GGT1: variants seen among roughly 807,000 people sequenced by gnomAD.
GGT1 encodes glutathione hydrolase 1 proenzyme.
A neutral mutation model predicts 56.0 loss-of-function variants in GGT1; 21 were observed. The ratio of observed to expected loss-of-function variants is 0.38; its 90% confidence interval spans 0.27 to 0.54. The LOEUF (loss-of-function observed/expected upper bound fraction) is 0.54, where lower values mean the gene tolerates loss of function less well. Ranked by LOEUF, GGT1 falls within the 20% of genes least tolerant of loss-of-function variation. GGT1 has a pLI of 0.82. For synonymous variants in GGT1, 238 were observed against 342.6 expected, an observed-to-expected ratio of 0.69 and a Z score of 3.37; for missense variants, 466 against 787.0, an observed-to-expected ratio of 0.59 and a Z score of 4.88.
chr22:24,604,667 C>T, intron 1 of GGT1, among the ~76,000 whole-genome samples: 1 of 152,048 alleles, frequency 6.6e-6, no homozygotes, highest in Non-Finnish European at 1.5e-5. Flanking sequence ...AGTCCTTCCT[C>T]AGGTGACATG....
upstream of GGT1, chr22:24,592,163 G>C: frequency 2.5e-6 from 1 of 396,816 alleles, no homozygotes; most frequent in Non-Finnish European, 5.1e-6. Context: ...CCAGGTGATT[G>C]GGGGGACCAG....
upstream of GGT1, among the ~76,000 whole-genome samples, chr22:24,599,616 C>T (rs1278712857): frequency 2.6e-5 from 4 of 152,008 alleles, no homozygotes; most frequent in African/African-American, 9.7e-5. Context: ...GCTGGACAGG[C>T]CCAGTGAGGA....
At chr22:24,606,590 C>G (rs1353914954) in intron 1 of GGT1, among the ~76,000 whole-genome samples, 1 of 152,166 alleles carries the variant, frequency 6.6e-6, no homozygotes, top group Non-Finnish European at 1.5e-5. Context: ...TGTCATCTTC[C>G]CAGTCACCCT....
chr22:24,586,366 C>T, the GGT1 span: 1 of 1,613,806 alleles, frequency 6.2e-7, no homozygotes, highest in South Asian at 1.1e-5. Context: ...CTGAGAGGTC[C>T]ACAGTCTCCC....
At chr22:24,614,208 G>A (rs1292720917) in intron 5 of GGT1, among the ~76,000 whole-genome samples, 1 of 151,714 alleles carries the variant, frequency 6.6e-6, no homozygotes, top group Non-Finnish European at 1.5e-5. Context: ...AATTGGCTGG[G>A]CATGGTGGCA....
rs1200069560 is a variant in GGT1, at chr22:24,610,188, G to C, written c.-289-62G>C. The C allele has an allele frequency of 6.0e-5, 19 of 318,294 alleles. 2 individuals carry two copies. Among genetic ancestry groups the C allele is most frequent in the African/African-American group, 2.6e-4 (11 of 41,754 alleles). The allele number at this position is 318,294 out of a possible 1,614,324, so 19.7% of individuals were successfully genotyped here. A position where few individuals can be genotyped will look rare whatever the true frequency, so the allele number is the denominator to read the frequency against. Reference sequence around the variant, plus strand: ...GCAAAACCCTCTTTGAGCTGTGCCTGGGAGACATGCTGAGAGAATTCATGG... The same window carrying C: ...GCAAAACCCTCTTTGAGCTGTGCCTCGGAGACATGCTGAGAGAATTCATGG... On this transcript the variant is annotated intron_variant, in intron 3 of 15. Coordinates refer to ENST00000400382, the MANE Select transcript of GGT1 (RefSeq NM_001288833.2).
At chr22:24,607,825 AG>A in intron 1 of GGT1, 128 bp from the exon 2 acceptor site, 1 of 325,558 alleles carries the variant, frequency 3.1e-6, no homozygotes, top group Non-Finnish European at 6.4e-6. Context: ...CCCAATTCGG[AG>A]GCCCCCTGAG....
At chr22:24,591,350 A>G (rs1261462400), upstream of GGT1, among the ~76,000 whole-genome samples, 1 of 152,188 alleles carries the variant, frequency 6.6e-6, no homozygotes, top group East Asian at 1.9e-4. Flanking sequence ...AAGTGCTGGG[A>G]TTATAGGCGT....
chr22:24,589,655 C>A, the GGT1 span: 1 of 805,656 alleles, frequency 1.2e-6, no homozygotes, highest in South Asian at 1.9e-5. Context: ...GGTGGCCAGC[C>A]TAATATACTG....
chr22:24,624,377 G>A, intron 11 of GGT1: 1 of 985,404 alleles, frequency 1.0e-6, no homozygotes, highest in East Asian at 1.1e-4. Context: ...CTCCACACTG[G>A]GTCCCTATAA....
chr22:24,601,777 C>T (rs916823734), upstream of GGT1, among the ~76,000 whole-genome samples: 11 of 152,232 alleles, frequency 7.2e-5, no homozygotes, highest in South Asian at 6.2e-4. Context: ...GGGCGGCACC[C>T]GCCCCGGGCT....
upstream of GGT1, chr22:24,592,955 C>T (rs1383616636): frequency 5.0e-6 from 6 of 1,206,740 alleles, no homozygotes; most frequent in African/African-American, 3.2e-5. Flanking sequence ...ACCCGGCGCT[C>T]GTAGGGCGCG....
At position 24,615,066 on chromosome 22, in the gene GGT1, C is replaced by T. The variant is rs191569900; in HGVS notation, c.321C>T (p.Arg107=). 41 of 1,612,116 alleles carry T rather than the reference C, an allele frequency of 2.5e-5. 1 individual carries two copies. In the Admixed American group the frequency reaches 3.5e-4, roughly 14 times the overall value. Reference sequence around the variant, plus strand: ...GAAAAGCTGAGGTCATCAACGCCCGCGAGGTGGCCCCCAGGCTGGCCTTTG... The same window carrying T: ...GAAAAGCTGAGGTCATCAACGCCCGTGAGGTGGCCCCCAGGCTGGCCTTTG... ...TTRKAEVINA[R]EVAPRLAFAT... Residue 107 remains arginine (R), a synonymous_variant, in exon 7 of 16, where the codon CGC becomes CGT. Coordinates refer to ENST00000400382, the MANE Select transcript of GGT1 (RefSeq NM_001288833.2).
intron 1 of GGT1, among the ~76,000 whole-genome samples, chr22:24,604,266 C>G (rs530879553): frequency 6.6e-6 from 1 of 152,138 alleles, no homozygotes; most frequent in Non-Finnish European, 1.5e-5. Context: ...TCGTAAAATC[C>G]CTTTTGTCTA....
At chr22:24,605,991 T>A (rs1341721721) in intron 1 of GGT1, among the ~76,000 whole-genome samples, 2 of 57,498 alleles carry the variant, frequency 3.5e-5, no homozygotes, top group Non-Finnish European at 6.0e-5. Context: ...ATATTATATT[T>A]ATATAATTTA....
At chr22:24,614,752 A>C in intron 5 of GGT1, 24 bp from the exon 6 acceptor site, 1 of 1,612,704 alleles carries the variant, frequency 6.2e-7, no homozygotes, top group Non-Finnish European at 8.5e-7. Flanking sequence ...GCAGGTTCTC[A>C]TGCCTTTATG....
chr22:24,593,055 G>A, upstream of GGT1: 3 of 1,039,450 alleles, frequency 2.9e-6, no homozygotes, highest in Non-Finnish European at 3.5e-6. Context: ...CCGCGCGATG[G>A]TCGCCGAACC....
chr22:24,589,524 GC>G, the GGT1 span: 1 of 461,494 alleles, frequency 2.2e-6, no homozygotes, highest in Non-Finnish European at 3.3e-6. Context: ...TATGACTTCT[GC>G]CCAGCTATAG....
intron 2 of GGT1, chr22:24,609,233 T>A (rs371105047): frequency 6.6e-6 from 1 of 151,146 alleles, no homozygotes; most frequent in African/African-American, 2.4e-5. Context: ...GAAGGGCAGG[T>A]GATGTTGGAG....
Sources: gnomAD v4.1 joint callset for allele counts (sites outside exome capture counted in the v4.1 genomes callset) on GRCh38, gnomAD v4.1.1 for gene constraint, MANE v1.5 for transcripts, NCBI Gene and HGNC (gene_info 2026-07-23, HGNC 2026-07-21) for gene names.